The following IGF2BP1 variants were observed in gnomAD, a reference collection of about 807,000 sequenced individuals.
The protein encoded by IGF2BP1 is insulin-like growth factor 2 mRNA-binding protein 1.
Under a neutral mutation model 74.9 loss-of-function variants are expected in IGF2BP1, and 11 were observed. The ratio of observed to expected loss-of-function variants is 0.15; its 90% CI spans 0.09 to 0.24. The LOEUF (loss-of-function observed/expected upper bound fraction) is 0.24, where lower values mean the gene tolerates loss of function less well. IGF2BP1 is among the 10% of genes least tolerant of loss of function. The pLI is 1.00. For synonymous variants in IGF2BP1, 287 were observed against 281.8 expected, an observed-to-expected ratio of 1.02 and a Z score of -0.18; for missense variants, 440 against 757.4, an observed-to-expected ratio of 0.58 and a Z score of 4.92.
At chr17:49,019,999 CACACACACACATATATAT>C in intron 2 of IGF2BP1, among the ~76,000 whole-genome samples, 1 of 100,452 alleles carries the variant, frequency 1.0e-5, no homozygotes, top group African/African-American at 4.9e-5. Flanking sequence ...TATATATACA[CACACACACACATATATAT>C]ACACACACAC....
rs533745565 is a variant in IGF2BP1 at position 48,997,641 on chromosome 17, C to A, written c.-105C>A. 2.4e-6 allele frequency: 3 copies of A among 1,252,852 alleles called. No homozygotes were observed. The highest frequency in any genetic ancestry group is 2.4e-5 in the East Asian group (1 of 41,752). The allele number at this position is 1,252,852 out of a possible 1,614,324, so 77.6% of individuals were successfully genotyped here. A position where few individuals can be genotyped will look rare whatever the true frequency, so the allele number is the denominator to read the frequency against. ...TGGGGTGGGGTGCAAAGAAAGTTTG[C>A]GGCTCCTGCCGCCGGCCTCTCCGCC... is the stretch of plus-strand genomic sequence containing the variant. On this transcript the variant is annotated 5_prime_UTR_variant, in exon 1 of 15. Coordinates refer to ENST00000290341, the MANE Select transcript of IGF2BP1 (RefSeq NM_006546.4). This position sits in a 1 kb window ranked among gnomAD's most constrained non-coding sequence, Gnocchi z 4.8.
In IGF2BP1 at chr17:49,053,544, T is replaced by A. The variant is rs1264521516; in HGVS notation, c.*4100T>A. 1 of 152,884 alleles carries A rather than the reference T, an allele frequency of 6.5e-6. No individual in the cohort carries two copies. Among genetic ancestry groups the A allele is most frequent in the Non-Finnish European group, 1.5e-5 (1 of 68,232 alleles). 9.5% of individuals were successfully genotyped at this position (152,884 alleles called of 1,614,324 possible). The stretch of plus-strand genomic sequence containing the variant: ...TGGGGCTCCAGGTAGCTCCCTGTTG[T>A]GGGACTGCTCTGTCCCCTGCCCCTA... On this transcript the variant is annotated 3_prime_UTR_variant, in exon 15 of 15. Coordinates refer to ENST00000290341, the MANE Select transcript of IGF2BP1 (RefSeq NM_006546.4).
At chr17:49,043,395 T>C in intron 9 of IGF2BP1, 33 bp from the exon 10 acceptor site, 2 of 1,611,982 alleles carry the variant, frequency 1.2e-6, no homozygotes, top group Non-Finnish European at 1.7e-6. Context: ...TGTCAGGGTG[T>C]GCTGACTCTT....
intron 5 of IGF2BP1, among the ~76,000 whole-genome samples, chr17:49,034,758 A>C (rs2041966972): frequency 6.7e-6 from 1 of 148,626 alleles, no homozygotes; most frequent in African/African-American, 2.6e-5. Context: ...AAAAAAAACA[A>C]AAAAAACAAA....
intron 10 of IGF2BP1, 88 bp downstream of exon 10, chr17:49,043,638 C>G: frequency 2.7e-6 from 4 of 1,500,976 alleles, no homozygotes; most frequent in Middle Eastern, 1.8e-4. Flanking sequence ...GAGTTGGATG[C>G]TTGGCAAGTT....
In IGF2BP1 at chr17:49,046,338, A is replaced by G. The variant is rs763329263; in HGVS notation, c.1606A>G (p.Ile536Val). 6 of 1,614,148 alleles carry G rather than the reference A, an allele frequency of 3.7e-6. No individual in the cohort carries two copies. The highest frequency in any genetic ancestry group is 1.7e-5 in the Admixed American group (1 of 60,024). The change falls in exon 14 of 15, where the codon ATC (isoleucine) becomes GTC (valine). Residue 536 changes from isoleucine (I) to valine (V), a missense_variant. Around this residue, in one of 5 missense-constraint regions of IGF2BP1, gnomAD observed 117 missense variants for 237.2 expected, o/e 0.49. Transcript: ENST00000290341. ...GACCCCTGATGAGAACGACCAGGTCATCGTGAAAATCATCGGACATTTCTA... is the reference window on the plus strand; with the variant it reads ...GACCCCTGATGAGAACGACCAGGTCGTCGTGAAAATCATCGGACATTTCTA... ...DQTPDENDQVIVKIIGHFYAS... is the reference protein window; with the variant it reads ...DQTPDENDQVVVKIIGHFYAS...
intron 5 of IGF2BP1, 83 bp downstream of exon 5, chr17:49,032,056 CAG>C (rs1491267731): frequency 9.5e-6 from 12 of 1,262,322 alleles, no homozygotes; most frequent in African/African-American, 4.4e-5. Context: ...ACTTTTTCCT[CAG>C]GGGGGTCTAG....
chr17:49,030,245 A>C (rs1376675757), intron 4 of IGF2BP1, among the ~76,000 whole-genome samples: 1 of 150,664 alleles, frequency 6.6e-6, no homozygotes, highest in African/African-American at 2.4e-5. Flanking sequence ...GGGTTGAAGC[A>C]GTTCTTCTGT....
rs769412068 is a variant in IGF2BP1, at chr17:49,042,408, C to T, written c.1077+31C>T. ...TGCTGGGTAGTACCCTCTGCTTATCCTTTCCTGAGTCTTAGCAACAGCAGC... is the reference window on the plus strand; with the variant it reads ...TGCTGGGTAGTACCCTCTGCTTATCTTTTCCTGAGTCTTAGCAACAGCAGC... On this transcript the variant is annotated intron_variant, in intron 9 of 14. Coordinates refer to ENST00000290341, the MANE Select transcript of IGF2BP1 (RefSeq NM_006546.4). The T allele has an allele frequency of 2.5e-6, 4 of 1,613,614 alleles. No homozygotes were observed. The South Asian group carries it at 4.4e-5, about 18-fold the overall frequency.
At position 49,014,942 on chromosome 17, in the gene IGF2BP1, C is replaced by G. The variant is rs975405173; in HGVS notation, c.237-10676C>G. ...TCCCTCTGGAGGACAGAGCCCGACT[C>G]TGTCTGTTTTCAAGGTACCTCTCAT... On this transcript the variant is annotated intron_variant, in intron 2 of 14. Transcript: ENST00000290341. The G allele has an allele frequency of 5.1e-6, 5 of 985,166 alleles. No individual in the cohort carries two copies. The African/African-American group carries it at 5.2e-5, about 10-fold the overall frequency. The allele number at this position is 985,166 out of a possible 1,614,324, so 61.0% of individuals were successfully genotyped here. A position where few individuals can be genotyped will look rare whatever the true frequency, so the allele number is the denominator to read the frequency against.
At chr17:49,012,423 C>T (rs543186713) in intron 2 of IGF2BP1, 1 of 152,310 alleles carries the variant, frequency 6.6e-6, no homozygotes, top group East Asian at 1.9e-4. Flanking sequence ...AACTCTTTTC[C>T]TGGGACTCTG....
At chr17:49,004,037 C>G (rs946146413) in intron 2 of IGF2BP1, among the ~76,000 whole-genome samples, 168 of 152,242 alleles carry the variant, frequency 1.1e-3, no homozygotes, top group Non-Finnish European at 2.0e-3. Flanking sequence ...GCGCTCGCCC[C>G]GGCCCGGCGG....
rs1414821527 is a variant in IGF2BP1 at position 49,019,936 on chromosome 17, ATATATATATATATT to A, written c.237-5675_237-5662del. On this transcript the variant is annotated intron_variant, in intron 2 of 14. Transcript: ENST00000290341. ...TATATATATATATATATATATATAT[ATATATATATATATT>A]TATATACACACACACACACACACAC... 8.2e-3 allele frequency among the ~76,000 whole-genome samples: 512 copies of A among 62,514 alleles called. 6 individuals are homozygous for A. Among genetic ancestry groups the A allele is most frequent in the Non-Finnish European group, 0.012 (392 of 33,074 alleles). 41.0% of individuals were successfully genotyped at this position (62,514 alleles called of 152,430 possible).
rs1242001561 is a variant in IGF2BP1, at chr17:49,019,955, T to C, written c.237-5663T>C. Among the ~76,000 whole-genome samples the C allele has an allele frequency of 7.4e-4, 58 of 78,444 alleles. 1 individual carries two copies. Among genetic ancestry groups the C allele is most frequent in the African/African-American group, 1.7e-3 (29 of 16,736 alleles). 51.5% of individuals were successfully genotyped at this position (78,444 alleles called of 152,430 possible). ...ATATATATATATATATATATTTATA[T>C]ACACACACACACACACACACATACA... is the stretch of plus-strand genomic sequence containing the variant. On this transcript the variant is annotated intron_variant, in intron 2 of 14. Coordinates refer to ENST00000290341, the MANE Select transcript of IGF2BP1 (RefSeq NM_006546.4).
At position 49,049,542 on chromosome 17, in the gene IGF2BP1, C is replaced by A; in HGVS notation, c.*98C>A. 1.0e-6 allele frequency: 1 copy of A among 985,574 alleles called. No individual in the cohort carries two copies. Among genetic ancestry groups the A allele is most frequent in the Non-Finnish European group, 1.6e-6 (1 of 642,934 alleles). The allele number at this position is 985,574 out of a possible 1,614,324, so 61.1% of individuals were successfully genotyped here. ...CCTGAGAATGAGTGGGAATCCGGGACACCTGGGCCGGGCTGTAGATCAGGT... is the reference window on the plus strand; with the variant it reads ...CCTGAGAATGAGTGGGAATCCGGGAAACCTGGGCCGGGCTGTAGATCAGGT... On this transcript the variant is annotated 3_prime_UTR_variant, in exon 15 of 15. Coordinates refer to ENST00000290341, the MANE Select transcript of IGF2BP1 (RefSeq NM_006546.4).
At chr17:49,008,465 G>A (rs1277145780) in intron 2 of IGF2BP1, among the ~76,000 whole-genome samples, 1 of 152,196 alleles carries the variant, frequency 6.6e-6, no homozygotes, top group African/African-American at 2.4e-5. Flanking sequence ...AGAATAGAGT[G>A]GAGTGATTGC....
intron 5 of IGF2BP1, among the ~76,000 whole-genome samples, chr17:49,037,730 G>A (rs2042005910): frequency 1.3e-5 from 2 of 152,204 alleles, no homozygotes; most frequent in Admixed American, 6.5e-5. Context: ...TCCTCACCCT[G>A]TAGTAGGGAT....
At chr17:49,025,517 GGT>G in intron 2 of IGF2BP1, 99 bp from the exon 3 acceptor site, 1 of 972,214 alleles carries the variant, frequency 1.0e-6, no homozygotes, top group Non-Finnish European at 1.6e-6. Context: ...GTGAGCAGAA[GGT>G]GGGGAAATAG....
At chr17:49,028,382 C>T (rs1184456216) in intron 4 of IGF2BP1, among the ~76,000 whole-genome samples, 2 of 152,196 alleles carry the variant, frequency 1.3e-5, no homozygotes, top group Non-Finnish European at 1.5e-5. Flanking sequence ...CCTTCACCCA[C>T]GCAAGAGTAA....
Sources: gnomAD v4.1 joint callset for allele counts (sites outside exome capture counted in the v4.1 genomes callset) on GRCh38, gnomAD v4.1.1 for gene constraint, gnomAD v4.1.1 regional missense constraint, Gnocchi (gnomAD v3.1) non-coding constraint, MANE v1.5 for transcripts, NCBI Gene and HGNC (gene_info 2026-07-23, HGNC 2026-07-21) for gene names.